PRR16: variants seen among roughly 807,000 people sequenced by gnomAD.
PRR16 encodes proline rich 16, also known as protein Largen.
PRR16 carries 6 observed loss-of-function variants against 18.2 expected under a neutral mutation model. That is an observed-to-expected ratio of 0.33 (90% confidence interval 0.18 to 0.65). The LOEUF is 0.65. PRR16 is among the 30% of genes least tolerant of loss of function. PRR16 has a pLI of 0.74. For synonymous variants in PRR16, 151 were observed against 147.8 expected (o/e 1.02, Z -0.16); for missense variants, 412 against 376.6 (o/e 1.09, Z -0.78).
chr5:120,587,686 G>A (rs961314466), intron 1 of PRR16, among the ~76,000 whole-genome samples: 2 of 152,078 alleles, frequency 1.3e-5, no homozygotes, highest in Admixed American at 6.6e-5. Flanking sequence ...CTGCTCATTG[G>A]CAATGCACCT....
intron 1 of PRR16, among the ~76,000 whole-genome samples, chr5:120,634,591 C>G (rs1227741495): frequency 6.6e-6 from 1 of 152,030 alleles, no homozygotes; most frequent in Non-Finnish European, 1.5e-5. Flanking sequence ...TGCAGTGAGC[C>G]AAGATCATGC....
At chr5:120,557,429 A>G (rs1580722421) in intron 1 of PRR16, among the ~76,000 whole-genome samples, 1 of 152,022 alleles carries the variant, frequency 6.6e-6, no homozygotes, top group African/African-American at 2.4e-5. Flanking sequence ...TTCTACTTAC[A>G]TGATATTTGA....
intron 1 of PRR16, among the ~76,000 whole-genome samples, chr5:120,549,644 C>A (rs1357856747): frequency 6.6e-6 from 1 of 151,910 alleles, no homozygotes; most frequent in African/African-American, 2.4e-5. Flanking sequence ...AGGAGCTAAA[C>A]ATGTCTTGGC....
the PRR16 span, among the ~76,000 whole-genome samples, chr5:120,734,139 A>G: frequency 4.6e-5 from 7 of 152,178 alleles, no homozygotes; most frequent in African/African-American, 1.4e-4. Context: ...ACATGTGTTC[A>G]TTCCTCTCTT....
intron 1 of PRR16, among the ~76,000 whole-genome samples, chr5:120,650,904 C>A (rs1755760151): frequency 6.6e-6 from 1 of 152,092 alleles, no homozygotes. Context: ...AATCGCCACA[C>A]TGACTTCCAC....
At chr5:120,767,886 C>T in the PRR16 span, among the ~76,000 whole-genome samples, 1 of 151,734 alleles carries the variant, frequency 6.6e-6, no homozygotes, top group Admixed American at 6.6e-5. Flanking sequence ...AGTGACTGAG[C>T]TCTTGCTACT....
At chr5:120,587,762 C>T (rs1483202886) in intron 1 of PRR16, among the ~76,000 whole-genome samples, 1 of 152,194 alleles carries the variant, frequency 6.6e-6, no homozygotes, top group Non-Finnish European at 1.5e-5. Flanking sequence ...GTTATCACAA[C>T]AGCCATTCTG....
At chr5:120,649,887 C>A (rs894073636) in intron 1 of PRR16, among the ~76,000 whole-genome samples, 3 of 151,726 alleles carry the variant, frequency 2.0e-5, no homozygotes, top group African/African-American at 7.3e-5. Context: ...TGAATAAATT[C>A]TCTCATCATT....
At chr5:120,694,651 C>G in the PRR16 span, among the ~76,000 whole-genome samples, 1 of 148,034 alleles carries the variant, frequency 6.8e-6, no homozygotes, top group Admixed American at 6.8e-5. Flanking sequence ...CGCCACTGCA[C>G]TCCAGCCTGG....
the PRR16 span, among the ~76,000 whole-genome samples, chr5:120,697,165 T>C: frequency 6.6e-6 from 1 of 152,256 alleles, no homozygotes; most frequent in Non-Finnish European, 1.5e-5. Flanking sequence ...AGCATATAGC[T>C]GATAAGAGGG....
At chr5:120,765,540 A>G in the PRR16 span, among the ~76,000 whole-genome samples, 3 of 152,032 alleles carry the variant, frequency 2.0e-5, no homozygotes, top group Non-Finnish European at 4.4e-5. Flanking sequence ...TTGGCTGTAA[A>G]AAGTATTCTT....
chr5:120,533,395 TAATA>T (rs1377431788), intron 1 of PRR16, among the ~76,000 whole-genome samples: 6 of 152,096 alleles, frequency 3.9e-5, no homozygotes, highest in African/African-American at 7.2e-5. Flanking sequence ...ACAATAACCA[TAATA>T]AATCTGTAAA....
the PRR16 span, among the ~76,000 whole-genome samples, chr5:120,700,296 G>C: frequency 2.0e-5 from 3 of 152,066 alleles, no homozygotes; most frequent in African/African-American, 4.8e-5. Context: ...GTGATAACAG[G>C]CTTTAAATCT....
At chr5:120,716,877 A>C in the PRR16 span, among the ~76,000 whole-genome samples, 2 of 151,874 alleles carry the variant, frequency 1.3e-5, no homozygotes, top group Non-Finnish European at 2.9e-5. Context: ...ATCTCAAAAA[A>C]ACAAAACAAA....
intron 1 of PRR16, among the ~76,000 whole-genome samples, chr5:120,562,382 G>A (rs1752603131): frequency 6.6e-6 from 1 of 152,106 alleles, no homozygotes; most frequent in Non-Finnish European, 1.5e-5. Flanking sequence ...TATAGGAGAA[G>A]TGTATATCTT....
Position 120,564,380 on chromosome 5 carries a change from A to G in PRR16, c.159+99735A>G, listed in dbSNP as rs962452484. 2.6e-5 allele frequency among the ~76,000 whole-genome samples: 4 copies of G among 152,214 alleles called. No individual in the cohort carries two copies. In the East Asian group the frequency reaches 7.8e-4, roughly 30 times the overall value. ...GCCTTTCAAGTTTACCTAGCACCCCAGAACACTCTGGCCTGTAGTGGCGAG... is the reference window on the plus strand; with the variant it reads ...GCCTTTCAAGTTTACCTAGCACCCCGGAACACTCTGGCCTGTAGTGGCGAG... On this transcript the variant is annotated intron_variant, in intron 1 of 1. Transcript: ENST00000407149.
chr5:120,656,065 ACAGT>A (rs1755964830), intron 1 of PRR16, among the ~76,000 whole-genome samples: 1 of 151,842 alleles, frequency 6.6e-6, no homozygotes, highest in African/African-American at 2.4e-5. Context: ...TTTGGAGTAC[ACAGT>A]CAGACCCAGA....
intron 1 of PRR16, among the ~76,000 whole-genome samples, chr5:120,464,942 G>A (rs542301818): frequency 6.6e-6 from 1 of 152,228 alleles, no homozygotes; most frequent in East Asian, 1.9e-4. Context: ...GGGGGAGAGG[G>A]TTAGCTGGGG....
At chr5:120,566,869 A>G (rs1464893119) in intron 1 of PRR16, among the ~76,000 whole-genome samples, 1 of 152,134 alleles carries the variant, frequency 6.6e-6, no homozygotes, top group African/African-American at 2.4e-5. Flanking sequence ...TAACTTAGCC[A>G]GCATTATTCT....
Sources: allele counts gnomAD v4.1 joint callset (sites outside exome capture counted in the v4.1 genomes callset), GRCh38; gene constraint gnomAD v4.1.1; transcripts MANE v1.5; gene names NCBI Gene and HGNC (gene_info 2026-07-23, HGNC 2026-07-21).